Variants in SYT14 observed in about 807,000 individuals in gnomAD.
SYT14 encodes synaptotagmin-14.
Under a neutral mutation model 74.2 loss-of-function variants are expected in SYT14, and 32 were observed. The observed-to-expected ratio is 0.43, with a 90% CI of 0.33 to 0.58. The LOEUF is 0.58. SYT14 is among the 20% of genes least tolerant of loss of function. SYT14 has a pLI of 0.05. For synonymous variants in SYT14, 298 were observed against 337.7 expected (o/e 0.88, Z 1.29); for missense variants, 791 against 981.8 (o/e 0.81, Z 2.60).
exon 10 of SYT14, chr1:210,163,294 G>A (rs1479463115): frequency 4.4e-6 from 2 of 453,652 alleles, no homozygotes; most frequent in East Asian, 1.4e-4. Context: ...AATTGTGTGT[G>A]TGATTTGATA....
intron 2 of SYT14, among the ~76,000 whole-genome samples, chr1:209,960,630 G>A (rs1223388294): frequency 1.3e-5 from 2 of 152,102 alleles, no homozygotes; most frequent in Non-Finnish European, 2.9e-5. Context: ...TTTTTTGAAT[G>A]CTGCTCATCA....
intron 2 of SYT14, among the ~76,000 whole-genome samples, chr1:209,963,751 A>G: frequency 6.6e-6 from 1 of 152,186 alleles, no homozygotes; most frequent in South Asian, 2.1e-4. Context: ...AATCTGATGA[A>G]ATGACAGATT....
At chr1:209,961,928 G>C (rs780911569) in intron 2 of SYT14, among the ~76,000 whole-genome samples, 1 of 152,068 alleles carries the variant, frequency 6.6e-6, no homozygotes, top group Non-Finnish European at 1.5e-5. Flanking sequence ...TCTGAACAAC[G>C]AAGTGGCTCC....
At chr1:210,067,710 T>C (rs2081321842) in intron 5 of SYT14, among the ~76,000 whole-genome samples, 2 of 152,056 alleles carry the variant, frequency 1.3e-5, no homozygotes, top group South Asian at 4.1e-4. Flanking sequence ...ATGCTTACAT[T>C]TGCTAGATTT....
chr1:210,072,856 T>G (rs572845567), intron 5 of SYT14, among the ~76,000 whole-genome samples: 3 of 152,110 alleles, frequency 2.0e-5, no homozygotes, highest in African/African-American at 7.2e-5. Context: ...CTGTATTTTT[T>G]GGGACATACT....
intron 6 of SYT14, among the ~76,000 whole-genome samples, chr1:210,098,476 T>G (rs1419357767): frequency 6.6e-6 from 1 of 152,172 alleles, no homozygotes; most frequent in Non-Finnish European, 1.5e-5. Context: ...ATTGTCCTAG[T>G]CCACATGGTC....
chr1:209,991,338 C>G (rs1370419933), intron 2 of SYT14, among the ~76,000 whole-genome samples: 6 of 152,142 alleles, frequency 3.9e-5, no homozygotes, highest in African/African-American at 1.4e-4. Context: ...ACACAGTGAA[C>G]AGACAACCTG....
exon 7 of SYT14, chr1:210,100,453 A>G (rs752711729): frequency 1.2e-6 from 2 of 1,612,936 alleles, no homozygotes; most frequent in South Asian, 2.2e-5. Context: ...ACCTTCTTAC[A>G]ATCATTCTGT....
At chr1:209,956,018 C>CT (rs1048987527) in intron 2 of SYT14, among the ~76,000 whole-genome samples, 12 of 151,850 alleles carry the variant, frequency 7.9e-5, no homozygotes, top group African/African-American at 2.9e-4. Context: ...ATTATATTTC[C>CT]TTTTTTATAT....
chr1:209,956,331 G>A (rs1013704846), intron 2 of SYT14, among the ~76,000 whole-genome samples: 1 of 152,138 alleles, frequency 6.6e-6, no homozygotes, highest in Non-Finnish European at 1.5e-5. Flanking sequence ...CTTTTGTGAA[G>A]TTTAAATCAG....
chr1:210,129,559 A>G (rs1001173557), intron 7 of SYT14, among the ~76,000 whole-genome samples: 25 of 152,236 alleles, frequency 1.6e-4, no homozygotes, highest in African/African-American at 5.5e-4. Context: ...GATGCTAGGG[A>G]CATAACCAGC....
chr1:210,072,522 G>C (rs1489579524), intron 5 of SYT14, among the ~76,000 whole-genome samples: 2 of 151,964 alleles, frequency 1.3e-5, no homozygotes. Context: ...AAGTAAGGGA[G>C]ATGTACATTC....
At position 210,160,717 on chromosome 1, in the gene SYT14, T is replaced by G; in HGVS notation, c.2282-12T>G. 1.2e-6 allele frequency: 2 copies of G among 1,611,510 alleles called. No individual in the cohort carries two copies. The highest frequency in any genetic ancestry group is 8.5e-7 in the Non-Finnish European group (1 of 1,178,386). On this transcript the variant is annotated splice_polypyrimidine_tract_variant and intron_variant, in intron 9 of 9. Coordinates refer to ENST00000637265, the Ensembl canonical transcript of SYT14. ...AATGATATTTGTGATACGTTGTCTTTTTCTTCTTTAGATACATATGTTAAG... is the reference window on the plus strand; with the variant it reads ...AATGATATTTGTGATACGTTGTCTTGTTCTTCTTTAGATACATATGTTAAG...
At chr1:209,969,486 CTT>C (rs35157576) in intron 2 of SYT14, among the ~76,000 whole-genome samples, 6 of 127,170 alleles carry the variant, frequency 4.7e-5, no homozygotes, top group African/African-American at 5.6e-5. Flanking sequence ...TTTTTTCTTT[CTT>C]TTTTTTTTTT....
exon 10 of SYT14, chr1:210,162,449 A>G: frequency 2.7e-6 from 1 of 364,254 alleles, no homozygotes; most frequent in Admixed American, 4.0e-5. Flanking sequence ...GGAATATTAT[A>G]AGCTGTTTTC....
chr1:210,117,967 A>C (rs2082391453), intron 7 of SYT14, among the ~76,000 whole-genome samples: 1 of 152,220 alleles, frequency 6.6e-6, no homozygotes, highest in African/African-American at 2.4e-5. Context: ...CACTGTCAGC[A>C]ACCAACAAGT....
intron 1 of SYT14, among the ~76,000 whole-genome samples, chr1:209,949,401 C>T (rs556144793): frequency 4.6e-5 from 7 of 151,990 alleles, no homozygotes; most frequent in East Asian, 3.9e-4. Context: ...AGTGAAACCC[C>T]GCCTCTACTA....
intron 2 of SYT14, among the ~76,000 whole-genome samples, chr1:209,956,884 G>C (rs1406800329): frequency 6.6e-6 from 1 of 151,972 alleles, no homozygotes; most frequent in Non-Finnish European, 1.5e-5. Flanking sequence ...TGGAGGGGAA[G>C]GGGTTGTGAA....
At chr1:210,128,740 C>T (rs1408350815) in intron 7 of SYT14, among the ~76,000 whole-genome samples, 2 of 152,140 alleles carry the variant, frequency 1.3e-5, no homozygotes, top group Admixed American at 6.5e-5. Flanking sequence ...AACACTAGAT[C>T]CACTAAATCA....
Sources: allele counts gnomAD v4.1 joint callset (sites outside exome capture counted in the v4.1 genomes callset), GRCh38; gene constraint gnomAD v4.1.1; transcripts MANE v1.5; gene names NCBI Gene and HGNC (gene_info 2026-07-23, HGNC 2026-07-21).